The following TBXAS1 variants were observed in gnomAD, a reference collection of about 807,000 sequenced individuals.
TBXAS1 encodes the protein thromboxane-A synthase.
In TBXAS1, 48 loss-of-function variants were observed where a neutral mutation model predicts 60.7. That is an observed-to-expected ratio of 0.79 (90% CI 0.63 to 1.01). The LOEUF (loss-of-function observed/expected upper bound fraction) is 1.01, where lower values mean the gene tolerates loss of function less well. Ranked by LOEUF, TBXAS1 falls within the 50% of genes least tolerant of loss-of-function variation. TBXAS1 has a pLI of 0.00. For synonymous variants in TBXAS1, 287 were observed against 269.7 expected, an observed-to-expected ratio of 1.06 and a Z score of -0.63; for missense variants, 685 against 686.3, an observed-to-expected ratio of 1.00 and a Z score of 0.02.
At chr7:139,881,458 C>A (rs905315574) in intron 3 of TBXAS1, among the ~76,000 whole-genome samples, 3 of 150,658 alleles carry the variant, frequency 2.0e-5, no homozygotes, top group African/African-American at 7.4e-5. Flanking sequence ...CCCTTTTTCC[C>A]CCCCTCCAGG....
Position 139,962,110 on chromosome 7 carries a change from C to A in TBXAS1, c.1011C>A (p.Ile337=), listed in dbSNP as rs1165194487. 1.2e-6 allele frequency: 2 copies of A among 1,614,234 alleles called. No homozygotes were observed. The highest frequency in any genetic ancestry group is 2.2e-5 in the South Asian group (2 of 91,090). ...ATGAGATTGTGGGCCAGGCCTTCAT[C>A]TTCCTCATCGCTGGCTATGAAATCA... ...TVDEIVGQAF[I]FLIAGYEIIT... The change falls in exon 9 of 13, where the codon ATC becomes ATA. Residue 337 remains isoleucine, a synonymous_variant. Transcript: ENST00000448866.
intron 4 of TBXAS1, among the ~76,000 whole-genome samples, chr7:139,792,992 C>A (rs1394869589): frequency 1.3e-5 from 2 of 152,156 alleles, no homozygotes; most frequent in Non-Finnish European, 2.9e-5. Flanking sequence ...GCTAACTAGA[C>A]AAAATGTTCA....
intron 8 of TBXAS1, among the ~76,000 whole-genome samples, chr7:139,960,908 C>T (rs1414390893): frequency 6.6e-6 from 1 of 152,012 alleles, no homozygotes; most frequent in Admixed American, 6.6e-5. Context: ...CCATTTTAGT[C>T]CCATAAACTT....
chr7:139,936,635 CATGCATAATGGATCACCT>C lies in TBXAS1; in HGVS notation c.450+330_450+347del, dbSNP rs563398221. 3.3e-3 allele frequency among the ~76,000 whole-genome samples: 502 copies of C among 152,318 alleles called. 3 individuals carry two copies. The highest frequency in any genetic ancestry group is 0.012 in the African/African-American group (484 of 41,568). On this transcript the variant is annotated intron_variant, in intron 5 of 12. Transcript: ENST00000448866. ...ACTGCAACAGTGTCTGTTGGACTGT[CATGCATAATGGATCACCT>C]AGGGATCTGGCTACAAAGCAGGCTC...
rs1270424131 is a variant in TBXAS1, at chr7:139,916,598, C to A, written c.333+5277C>A. Among the ~76,000 whole-genome samples the A allele has an allele frequency of 6.6e-6, 1 of 152,234 alleles. No individual in the cohort carries two copies. Among genetic ancestry groups the A allele is most frequent in the African/African-American group, 2.4e-5 (1 of 41,464 alleles). The stretch of plus-strand genomic sequence containing the variant: ...CAGGGGCTGCTTCACTCGCTCTCCA[C>A]ACAGCTGTGAACATTGCAGGATGAG... On this transcript the variant is annotated intron_variant, in intron 4 of 12. Coordinates refer to ENST00000448866, the MANE Select transcript of TBXAS1 (RefSeq NM_001061.7). The surrounding 1 kb of genome is among the most constrained non-coding windows in gnomAD (Gnocchi z 4.2).
intron 3 of TBXAS1, among the ~76,000 whole-genome samples, chr7:139,900,876 C>T (rs1804511359): frequency 6.6e-6 from 1 of 152,182 alleles, no homozygotes; most frequent in Non-Finnish European, 1.5e-5. Flanking sequence ...GGATCCATAC[C>T]GGCCTGGAGT....
chr7:139,990,860 C>A (rs1812839056), intron 9 of TBXAS1, among the ~76,000 whole-genome samples: 1 of 152,178 alleles, frequency 6.6e-6, no homozygotes, highest in Non-Finnish European at 1.5e-5. Context: ...ACCTGTGACA[C>A]CTGGAGGGAC....
intron 3 of TBXAS1, among the ~76,000 whole-genome samples, chr7:139,901,897 A>G (rs972000991): frequency 6.6e-6 from 1 of 151,922 alleles, no homozygotes; most frequent in Non-Finnish European, 1.5e-5. Flanking sequence ...CTTGGCTGTG[A>G]ATTTAGAGTT....
At chr7:139,876,541 G>A (rs1802247911) in intron 3 of TBXAS1, among the ~76,000 whole-genome samples, 1 of 151,984 alleles carries the variant, frequency 6.6e-6, no homozygotes, top group South Asian at 2.1e-4. Context: ...CATTCCAATG[G>A]GCTCCAGTGA....
At chr7:139,935,030 T>A (rs1349881019) in intron 4 of TBXAS1, among the ~76,000 whole-genome samples, 1 of 152,198 alleles carries the variant, frequency 6.6e-6, no homozygotes, top group Non-Finnish European at 1.5e-5. Flanking sequence ...ACCAGGCTGG[T>A]CTCGAACTCC....
chr7:139,811,880 A>G (rs1431191700), intron 4 of TBXAS1, among the ~76,000 whole-genome samples: 1 of 152,206 alleles, frequency 6.6e-6, no homozygotes. Context: ...GAATATTTCA[A>G]CCCTGCACTT....
chr7:139,923,256 G>A (rs1446599264), intron 4 of TBXAS1, among the ~76,000 whole-genome samples: 4 of 152,036 alleles, frequency 2.6e-5, no homozygotes. Context: ...AAGCCCAGGA[G>A]GCGTAGGTTG....
chr7:139,821,304 G>A (rs1798288709), intron 4 of TBXAS1, among the ~76,000 whole-genome samples: 1 of 152,216 alleles, frequency 6.6e-6, no homozygotes, highest in Admixed American at 6.5e-5. Context: ...CTGGTTGTCA[G>A]AGGATGTCCA....
At chr7:139,983,087 G>A (rs750352039) in intron 9 of TBXAS1, among the ~76,000 whole-genome samples, 2 of 152,006 alleles carry the variant, frequency 1.3e-5, no homozygotes, top group Non-Finnish European at 2.9e-5. Flanking sequence ...AAATTTCCAT[G>A]TTTTATATCA....
At chr7:139,880,496 A>C (rs1802615642) in intron 3 of TBXAS1, among the ~76,000 whole-genome samples, 1 of 152,200 alleles carries the variant, frequency 6.6e-6, no homozygotes, top group South Asian at 2.1e-4. Context: ...AAAAAAGTAC[A>C]CTTGCTCCCA....
chr7:139,866,694 G>T (rs1297235207), intron 1 of TBXAS1, among the ~76,000 whole-genome samples: 1 of 151,980 alleles, frequency 6.6e-6, no homozygotes, highest in South Asian at 2.1e-4. Flanking sequence ...AGAGGTAGAG[G>T]CTACGGTGAG....
chr7:139,824,855 A>G (rs1241396434), upstream of TBXAS1, among the ~76,000 whole-genome samples: 27 of 123,014 alleles, frequency 2.2e-4, no homozygotes, highest in Non-Finnish European at 3.8e-4. Flanking sequence ...TTTGAGACAG[A>G]GTCTTGCCGT....
At chr7:139,806,672 C>T (rs916904769) in intron 4 of TBXAS1, among the ~76,000 whole-genome samples, 2 of 152,140 alleles carry the variant, frequency 1.3e-5, no homozygotes, top group Non-Finnish European at 2.9e-5. Flanking sequence ...CTCTCTGTCT[C>T]CTGCTTCCTG....
chr7:139,817,541 C>T (rs1195910770), intron 4 of TBXAS1, among the ~76,000 whole-genome samples: 1 of 152,146 alleles, frequency 6.6e-6, no homozygotes, highest in African/African-American at 2.4e-5. Flanking sequence ...AAAATTAGAG[C>T]CCATAAACCC....
Sources: allele counts gnomAD v4.1 joint callset (sites outside exome capture counted in the v4.1 genomes callset), GRCh38; gene constraint gnomAD v4.1.1; non-coding constraint Gnocchi (gnomAD v3.1); transcripts MANE v1.5; gene names NCBI Gene and HGNC (gene_info 2026-07-23, HGNC 2026-07-21).